The following NRG1 variants were observed in gnomAD, a reference collection of about 807,000 sequenced individuals.
NRG1 encodes neuregulin 1, also known as pro-neuregulin-1, membrane-bound isoform.
A neutral mutation model predicts 63.8 loss-of-function variants in NRG1; 18 were observed. The observed-to-expected ratio is 0.28, with a 90% CI of 0.19 to 0.42. The LOEUF (loss-of-function observed/expected upper bound fraction) is 0.42, where lower values mean the gene tolerates loss of function less well. Among genes scored for constraint, NRG1 ranks in the 10% least tolerant of loss-of-function variants. The pLI, the probability that NRG1 is intolerant of heterozygous loss-of-function variation, is 1.00. For missense variants in NRG1, 762 were observed against 814.7 expected (o/e 0.94, Z 0.79); for synonymous variants, 302 against 301.3 (o/e 1.00, Z -0.02).
At chr8:32,125,693 C>T (rs1258533865) in intron 1 of NRG1, among the ~76,000 whole-genome samples, 5 of 151,828 alleles carry the variant, frequency 3.3e-5, no homozygotes. Context: ...ACTTTCCCAC[C>T]CACTCCATCA....
At chr8:32,535,220 G>T (rs1831840098) in intron 1 of NRG1, among the ~76,000 whole-genome samples, 3 of 152,170 alleles carry the variant, frequency 2.0e-5, no homozygotes. Context: ...AACAAAAACA[G>T]CACACTTAAA....
chr8:31,678,182 AAT>A (rs1326319368), intron 1 of NRG1, among the ~76,000 whole-genome samples: 2 of 152,130 alleles, frequency 1.3e-5, no homozygotes, highest in African/African-American at 4.8e-5. Flanking sequence ...AGCATTTTCT[AAT>A]AGTGTTTTGT....
intron 1 of NRG1, among the ~76,000 whole-genome samples, chr8:31,815,368 T>C (rs1166098189): frequency 6.6e-6 from 1 of 152,198 alleles, no homozygotes; most frequent in Non-Finnish European, 1.5e-5. Context: ...TGAGACTGGC[T>C]TATTTCACTT....
At chr8:31,883,566 G>A (rs971174171) in intron 1 of NRG1, among the ~76,000 whole-genome samples, 1 of 152,126 alleles carries the variant, frequency 6.6e-6, no homozygotes, top group Non-Finnish European at 1.5e-5. Flanking sequence ...ATTTGAAGAA[G>A]AAGCAGAGTA....
At chr8:32,281,959 A>G in intron 1 of NRG1, among the ~76,000 whole-genome samples, 1 of 152,262 alleles carries the variant, frequency 6.6e-6, no homozygotes. Context: ...AAGAATGTAT[A>G]TGAGAATTGG....
chr8:32,658,266 T>A (rs73590645), intron 5 of NRG1, among the ~76,000 whole-genome samples: 1,535 of 152,362 alleles, frequency 0.01, 23 homozygotes, highest in African/African-American at 0.035. Flanking sequence ...GTTTTCTGAA[T>A]AGCTGATGAT....
intron 5 of NRG1, among the ~76,000 whole-genome samples, chr8:32,632,498 G>A (rs922937367): frequency 5.6e-5 from 8 of 142,420 alleles, no homozygotes; most frequent in African/African-American, 1.9e-4. Flanking sequence ...GCGGTGAGCT[G>A]AGATCACGCC....
At chr8:31,755,631 G>A (rs1586172327) in intron 1 of NRG1, among the ~76,000 whole-genome samples, 1 of 152,132 alleles carries the variant, frequency 6.6e-6, no homozygotes, top group East Asian at 1.9e-4. Flanking sequence ...CTGCTTCCTA[G>A]GGCTTTATGT....
chr8:32,530,398 C>T (rs1032318297), intron 1 of NRG1, among the ~76,000 whole-genome samples: 28 of 152,278 alleles, frequency 1.8e-4, no homozygotes, highest in South Asian at 2.1e-4. Context: ...TGAGCCACCG[C>T]GCCCAGCCAG....
chr8:31,976,695 G>A (rs1456456736), intron 1 of NRG1, among the ~76,000 whole-genome samples: 1 of 56,262 alleles, frequency 1.8e-5, no homozygotes, highest in Non-Finnish European at 3.7e-5. Flanking sequence ...GTGTGTGTGT[G>A]TGTATGTGTG....
chr8:32,648,340 A>C lies in NRG1; in HGVS notation c.502+31455A>C. 1.9e-6 allele frequency: 3 copies of C among 1,614,146 alleles called. No homozygotes were observed. The African/African-American group carries it at 4.0e-5, about 22-fold the overall frequency. ...GTGAGAACGCCCAAGTCAGCAACTC[A>C]GCCACAAACAACAGAAACTAATCTC... On this transcript the variant is annotated intron_variant, in intron 5 of 11. Coordinates refer to ENST00000356819, the Ensembl canonical transcript of NRG1.
At chr8:32,660,871 T>A (rs1024262261) in intron 5 of NRG1, among the ~76,000 whole-genome samples, 1 of 152,200 alleles carries the variant, frequency 6.6e-6, no homozygotes, top group African/African-American at 2.4e-5. Context: ...TAAAGTGCAT[T>A]TCCTTAGATT....
intron 1 of NRG1, among the ~76,000 whole-genome samples, chr8:32,070,697 C>G (rs1199235786): frequency 6.6e-6 from 1 of 152,210 alleles, no homozygotes; most frequent in Non-Finnish European, 1.5e-5. Flanking sequence ...CTCTTACTCC[C>G]TAGAGCAATA....
chr8:32,560,946 C>T (rs1836276505), intron 1 of NRG1, among the ~76,000 whole-genome samples: 1 of 152,120 alleles, frequency 6.6e-6, no homozygotes, highest in Non-Finnish European at 1.5e-5. Context: ...TGAAAGTAAT[C>T]TTAAACAATA....
chr8:32,012,500 G>A (rs761014381), intron 1 of NRG1, among the ~76,000 whole-genome samples: 8 of 152,046 alleles, frequency 5.3e-5, no homozygotes, highest in Non-Finnish European at 7.4e-5. Flanking sequence ...TACAAGAATG[G>A]CAGCTTCTTA....
At chr8:32,245,597 T>C (rs2129469957) in intron 1 of NRG1, among the ~76,000 whole-genome samples, 1 of 152,264 alleles carries the variant, frequency 6.6e-6, no homozygotes, top group Admixed American at 6.5e-5. Context: ...CTTGCTATAG[T>C]TTTCCACTGA....
intron 1 of NRG1, among the ~76,000 whole-genome samples, chr8:32,335,121 C>T (rs190932515): frequency 1.3e-5 from 2 of 152,186 alleles, no homozygotes; most frequent in Admixed American, 6.5e-5. Context: ...AGTGGTAAAG[C>T]AGGTGGTAAT....
At chr8:31,749,736 G>GATATAT (rs35399357) in intron 1 of NRG1, among the ~76,000 whole-genome samples, 2 of 146,578 alleles carry the variant, frequency 1.4e-5, no homozygotes, top group Non-Finnish European at 3.0e-5. Context: ...TGATATATAT[G>GATATAT]ATATATATAT....
At chr8:32,379,197 A>G (rs1256470108) in intron 1 of NRG1, among the ~76,000 whole-genome samples, 1 of 152,136 alleles carries the variant, frequency 6.6e-6, no homozygotes, top group African/African-American at 2.4e-5. Flanking sequence ...TTTTTTCTGA[A>G]GAGCAAAAGA....
Sources: gnomAD v4.1 joint callset for allele counts (sites outside exome capture counted in the v4.1 genomes callset) on GRCh38, gnomAD v4.1.1 for gene constraint, MANE v1.5 for transcripts, NCBI Gene and HGNC (gene_info 2026-07-23, HGNC 2026-07-21) for gene names.